PRKAR2B: variants seen among roughly 807,000 people sequenced by gnomAD.
The protein encoded by PRKAR2B is protein kinase cAMP-dependent type II regulatory subunit beta, also known as cAMP-dependent protein kinase type II-beta regulatory subunit.
In PRKAR2B, 14 loss-of-function variants were observed where a neutral mutation model predicts 49.9. The ratio of observed to expected loss-of-function variants is 0.28; its 90% CI spans 0.19 to 0.44. PRKAR2B has a LOEUF of 0.44. PRKAR2B is among the 20% of genes least tolerant of loss of function. The probability of loss-of-function intolerance (pLI) is 1.00; values close to 1 mark genes in which losing one functional copy is unlikely to be tolerated. For synonymous variants in PRKAR2B, 196 were observed against 197.7 expected (o/e 0.99, Z 0.07); for missense variants, 393 against 537.9 (o/e 0.73, Z 2.67).
At chr7:107,046,052 T>C (rs1793687023) in intron 1 of PRKAR2B, among the ~76,000 whole-genome samples, 1 of 152,168 alleles carries the variant, frequency 6.6e-6, no homozygotes. Flanking sequence ...ACAGTAGAGC[T>C]AGAAAGAATG....
chr7:107,095,907 G>GT (rs1366097275), intron 2 of PRKAR2B, among the ~76,000 whole-genome samples: 1 of 152,202 alleles, frequency 6.6e-6, no homozygotes, highest in African/African-American at 2.4e-5. Flanking sequence ...CAGTTTGCGA[G>GT]TATTTCATTG....
intron 2 of PRKAR2B, among the ~76,000 whole-genome samples, chr7:107,104,554 T>G (rs757095159): frequency 3.9e-5 from 6 of 151,964 alleles, no homozygotes; most frequent in African/African-American, 7.3e-5. Flanking sequence ...TTTTTCAGAG[T>G]CCTCCCTAGT....
chr7:107,105,995 C>T (rs1032385308), intron 2 of PRKAR2B, among the ~76,000 whole-genome samples: 2 of 152,124 alleles, frequency 1.3e-5, no homozygotes, highest in Non-Finnish European at 2.9e-5. Context: ...GGTTGAGGTC[C>T]TATTTTTGCC....
intron 1 of PRKAR2B, among the ~76,000 whole-genome samples, chr7:107,064,850 T>C (rs1226331031): frequency 6.6e-6 from 1 of 152,206 alleles, no homozygotes; most frequent in African/African-American, 2.4e-5. Context: ...CCAGAAATTA[T>C]GTATGTATTA....
chr7:107,075,518 C>T (rs1390423633), intron 2 of PRKAR2B, among the ~76,000 whole-genome samples: 1 of 151,964 alleles, frequency 6.6e-6, no homozygotes, highest in Non-Finnish European at 1.5e-5. Flanking sequence ...TTCCACCTCA[C>T]CCTCCCTAGT....
chr7:107,142,471 A>G (rs1165876902), intron 5 of PRKAR2B, among the ~76,000 whole-genome samples: 1 of 152,208 alleles, frequency 6.6e-6, no homozygotes, highest in Non-Finnish European at 1.5e-5. Flanking sequence ...GAGAAGCCCT[A>G]ACCCTCTATG....
At chr7:107,112,462 AAAAC>A (rs1444300130) in intron 2 of PRKAR2B, among the ~76,000 whole-genome samples, 1 of 152,104 alleles carries the variant, frequency 6.6e-6, no homozygotes, top group African/African-American at 2.4e-5. Flanking sequence ...TTCCAACAAA[AAAAC>A]ACAAATTAAA....
chr7:107,097,090 G>A (rs568335058), intron 2 of PRKAR2B, among the ~76,000 whole-genome samples: 1 of 152,256 alleles, frequency 6.6e-6, no homozygotes, highest in South Asian at 2.1e-4. Flanking sequence ...TCATTGATCT[G>A]TCTAATGTTG....
intron 7 of PRKAR2B, 129 bp from the exon 8 acceptor site, chr7:107,153,048 C>A: frequency 2.3e-6 from 1 of 438,324 alleles, no homozygotes; most frequent in Middle Eastern, 3.5e-4. Flanking sequence ...ATTAATACAA[C>A]AAACACATAT....
At chr7:107,070,995 G>A (rs1359685735) in intron 2 of PRKAR2B, among the ~76,000 whole-genome samples, 1 of 152,200 alleles carries the variant, frequency 6.6e-6, no homozygotes, top group East Asian at 1.9e-4. Context: ...TGCTGGGGAA[G>A]TATGAGACAG....
At chr7:107,085,437 G>A (rs1363619049) in intron 2 of PRKAR2B, among the ~76,000 whole-genome samples, 1 of 152,038 alleles carries the variant, frequency 6.6e-6, no homozygotes, top group Admixed American at 6.5e-5. Flanking sequence ...TTATAGTTGT[G>A]ATTAGTATAT....
At chr7:107,152,634 G>A (rs1796010769) in intron 7 of PRKAR2B, among the ~76,000 whole-genome samples, 1 of 152,176 alleles carries the variant, frequency 6.6e-6, no homozygotes, top group East Asian at 1.9e-4. Flanking sequence ...GCATATATAT[G>A]TACCCACAAC....
At chr7:107,129,530 A>G (rs193183985) in intron 4 of PRKAR2B, among the ~76,000 whole-genome samples, 54 of 152,338 alleles carry the variant, frequency 3.5e-4, no homozygotes, top group Non-Finnish European at 6.6e-4. Flanking sequence ...GACTGAGACA[A>G]GAATGCTTTA....
At chr7:107,077,259 C>T (rs1246228751) in intron 2 of PRKAR2B, 1 of 152,044 alleles carries the variant, frequency 6.6e-6, no homozygotes. Context: ...AAACATTTAC[C>T]GAGTCCCTCT....
At chr7:107,045,555 T>G (rs948178407) in intron 1 of PRKAR2B, among the ~76,000 whole-genome samples, 2 of 152,200 alleles carry the variant, frequency 1.3e-5, no homozygotes, top group Non-Finnish European at 2.9e-5. Flanking sequence ...GGTATTTCGC[T>G]TAGAGGATAC....
intron 4 of PRKAR2B, 41 bp from the exon 5 acceptor site, chr7:107,140,806 A>T: frequency 7.0e-7 from 1 of 1,425,382 alleles, no homozygotes; most frequent in Non-Finnish European, 9.7e-7. Context: ...AACATGTTCT[A>T]GATAAACATA....
chr7:107,074,212 G>A (rs1007362155), intron 2 of PRKAR2B, among the ~76,000 whole-genome samples: 2 of 151,956 alleles, frequency 1.3e-5, no homozygotes, highest in Non-Finnish European at 2.9e-5. Context: ...ACCCTCCCAA[G>A]TTCAAGCAAT....
chr7:107,061,451 T>G (rs1489036150), intron 1 of PRKAR2B, among the ~76,000 whole-genome samples: 1 of 152,248 alleles, frequency 6.6e-6, no homozygotes, highest in African/African-American at 2.4e-5. Flanking sequence ...TTTGCTATCT[T>G]TTCTTAGGTT....
chr7:107,145,781 C>T (rs1336119051), intron 5 of PRKAR2B, among the ~76,000 whole-genome samples: 2 of 148,596 alleles, frequency 1.3e-5, no homozygotes, highest in Non-Finnish European at 3.0e-5. Context: ...CTCTTGTCAC[C>T]CAGGCTGGAG....
Sources: allele counts gnomAD v4.1 joint callset (sites outside exome capture counted in the v4.1 genomes callset), GRCh38; gene constraint gnomAD v4.1.1; transcripts MANE v1.5; gene names NCBI Gene and HGNC (gene_info 2026-07-23, HGNC 2026-07-21).